Variants in CCNT1 observed in about 807,000 individuals in gnomAD.
CCNT1 encodes the protein cyclin-T1.
Under a neutral mutation model 67.3 loss-of-function variants are expected in CCNT1, and 18 were observed. The ratio of observed to expected loss-of-function variants is 0.27; its 90% CI spans 0.18 to 0.40. The LOEUF is 0.40. Among genes scored for constraint, CCNT1 ranks in the 10% least tolerant of loss-of-function variants. The probability of loss-of-function intolerance (pLI) is 1.00; values close to 1 mark genes in which losing one functional copy is unlikely to be tolerated. For synonymous variants in CCNT1, 333 were observed against 310.3 expected (o/e 1.07, Z -0.77); for missense variants, 744 against 884.9 (o/e 0.84, Z 2.02).
intron 3 of CCNT1, among the ~76,000 whole-genome samples, chr12:48,702,104 C>G (rs1055984343): frequency 6.6e-6 from 1 of 151,728 alleles, no homozygotes; most frequent in Admixed American, 6.6e-5. Flanking sequence ...ACCATATTGG[C>G]AAAGCTGGTC....
At chr12:48,713,965 G>T (rs1048867106) in intron 2 of CCNT1, among the ~76,000 whole-genome samples, 13 of 152,200 alleles carry the variant, frequency 8.5e-5, no homozygotes, top group South Asian at 2.1e-4. Flanking sequence ...CTCAATCTTG[G>T]CTCACTGCAT....
intron 2 of CCNT1, among the ~76,000 whole-genome samples, chr12:48,710,836 G>A (rs1465510220): frequency 6.6e-6 from 1 of 152,214 alleles, no homozygotes; most frequent in African/African-American, 2.4e-5. Flanking sequence ...GCCAAGGCGG[G>A]TGGATCGTGA....
rs1940034568 is a variant in CCNT1, at chr12:48,689,247, T to C, written c.*3786A>G. On this transcript the variant is annotated 3_prime_UTR_variant, in exon 9 of 9. Transcript: ENST00000261900. ...CCTCCCTTTTCCAATGCCAAGTTCA[T>C]ATGAAAAACTTTAGAAACATTAAAA... 1 of 152,208 alleles carries C rather than the reference T, an allele frequency of 6.6e-6. No individual in the cohort carries two copies. Among genetic ancestry groups the C allele is most frequent in the South Asian group, 2.1e-4 (1 of 4,828 alleles). The allele number at this position is 152,208 out of a possible 1,614,324, so 9.4% of individuals were successfully genotyped here.
chr12:48,714,535 CAAGTT>C lies in CCNT1; in HGVS notation c.162-16_162-12del. 1.9e-6 allele frequency: 3 copies of C among 1,577,344 alleles called. No individual in the cohort carries two copies. Among genetic ancestry groups the C allele is most frequent in the Non-Finnish European group, 2.6e-6 (3 of 1,146,922 alleles). On this transcript the variant is annotated splice_polypyrimidine_tract_variant and intron_variant, in intron 1 of 8. Transcript: ENST00000261900. ...ATAGTCAATTGTGAGCTGAAGTGTT[CAAGTT>C]AAGATCCAAAAACAGGCAGGTATAA...
intron 4 of CCNT1, 118 bp from the exon 5 acceptor site, chr12:48,699,958 T>G: frequency 1.7e-6 from 1 of 574,602 alleles, no homozygotes; most frequent in South Asian, 2.6e-5. Context: ...AAAATATTAA[T>G]AGAAATTTAT....
At chr12:48,715,028 G>A (rs1199530594) in intron 1 of CCNT1, among the ~76,000 whole-genome samples, 2 of 152,150 alleles carry the variant, frequency 1.3e-5, no homozygotes, top group Admixed American at 6.6e-5. Flanking sequence ...GGCCAGGCTG[G>A]TCTTGAACTC....
intron 2 of CCNT1, among the ~76,000 whole-genome samples, chr12:48,712,510 C>T (rs905680747): frequency 2.8e-5 from 4 of 143,220 alleles, no homozygotes; most frequent in Middle Eastern, 3.4e-3. Context: ...GTGATCCGCC[C>T]GCCTCAGCCT....
At chr12:48,696,184 CAG>C in intron 6 of CCNT1, 22 bp from the exon 7 acceptor site, 4 of 1,291,198 alleles carry the variant, frequency 3.1e-6, no homozygotes, top group Non-Finnish European at 4.1e-6. Context: ...GGGAAGAAAA[CAG>C]AGAGTGTCAT....
At chr12:48,713,877 A>G (rs1403506345) in intron 2 of CCNT1, among the ~76,000 whole-genome samples, 1 of 152,080 alleles carries the variant, frequency 6.6e-6, no homozygotes, top group Non-Finnish European at 1.5e-5. Flanking sequence ...TGTTGACTTT[A>G]GATGTCTGAT....
intron 3 of CCNT1, 152 bp from the exon 4 acceptor site, chr12:48,701,225 T>G (rs1940261857): frequency 2.8e-6 from 1 of 353,726 alleles, no homozygotes; most frequent in African/African-American, 2.5e-5. Flanking sequence ...ATCTTTTTTT[T>G]TTTTTTTTTT....
rs759919820 is a variant in CCNT1 at position 48,712,595 on chromosome 12, T to TAAAAAAAAAAAAAAAAA, written c.243+1831_243+1847dup. Among the ~76,000 whole-genome samples the TAAAAAAAAAAAAAAAAA allele has an allele frequency of 2.7e-4, 9 of 33,358 alleles. 1 individual carries two copies. The highest frequency in any genetic ancestry group is 5.0e-4 in the Admixed American group (1 of 2,012). 21.9% of individuals were successfully genotyped at this position (33,358 alleles called of 152,430 possible). ...TCTTTTCCTTAAAAAAAAAAAAAAA[T>TAAAAAAAAAAAAAAAAA]AAAAAAAAAAAAAAAAAAAAAAAGC... On this transcript the variant is annotated intron_variant, in intron 2 of 8. Transcript: ENST00000261900.
intron 3 of CCNT1, among the ~76,000 whole-genome samples, chr12:48,703,752 T>C (rs1301211484): frequency 3.3e-5 from 5 of 151,846 alleles, no homozygotes; most frequent in Admixed American, 2.0e-4. Flanking sequence ...CTGGGCAACA[T>C]GGTGAAACCC....
At chr12:48,713,515 G>A (rs11168698) in intron 2 of CCNT1, among the ~76,000 whole-genome samples, 44,654 of 152,070 alleles carry the variant, frequency 0.29, 7,654 homozygotes, top group East Asian at 0.76. Flanking sequence ...CAGGAATGGC[G>A]GCTCATGACT....
chr12:48,695,731 T>C (rs1401775120), intron 8 of CCNT1, 28 bp downstream of exon 8: 2 of 1,515,272 alleles, frequency 1.3e-6, no homozygotes, highest in East Asian at 4.5e-5. Flanking sequence ...TTGATTTTGT[T>C]CCACAAGCTG....
intron 3 of CCNT1, among the ~76,000 whole-genome samples, chr12:48,703,627 T>G (rs1444924117): frequency 6.6e-6 from 1 of 150,650 alleles, no homozygotes; most frequent in Non-Finnish European, 1.5e-5. Context: ...TAAGGATCCA[T>G]AATAAAAATG....
chr12:48,714,204 G>T (rs1038543739), intron 2 of CCNT1, among the ~76,000 whole-genome samples: 2 of 152,036 alleles, frequency 1.3e-5, no homozygotes, highest in Non-Finnish European at 2.9e-5. Context: ...CACTGCACCC[G>T]GCCTAATCTA....
Position 48,705,811 on chromosome 12 carries a change from G to A in CCNT1, c.329C>T (p.Thr110Ile). ...KLEHVIKVAH[T>I]CLHPQESLPD... is the part of the protein sequence containing the mutation. ...AAGGGATTCCTGAGGATGGAGACAA[G>A]TATGTGCTACCTTGATGACATGTTC... is the stretch of plus-strand genomic sequence containing the variant. The change falls in exon 3 of 9, where the codon ACT becomes ATT. Residue 110 changes from threonine (T) to isoleucine (I), a missense_variant. This residue lies in a region of CCNT1 where 142 missense variants were observed against 277.0 expected (regional missense o/e 0.51). Coordinates refer to ENST00000261900, the MANE Select transcript of CCNT1 (RefSeq NM_001240.4). 3 of 1,613,228 alleles carry A rather than the reference G, an allele frequency of 1.9e-6. No homozygotes were observed. Among genetic ancestry groups the A allele is most frequent in the Non-Finnish European group, 2.5e-6 (3 of 1,179,340 alleles).
intron 3 of CCNT1, among the ~76,000 whole-genome samples, chr12:48,702,949 C>T (rs990401603): frequency 1.3e-5 from 2 of 151,876 alleles, no homozygotes; most frequent in African/African-American, 4.8e-5. Context: ...GGTAAGACCC[C>T]TATCTCTACA....
intron 8 of CCNT1, among the ~76,000 whole-genome samples, chr12:48,695,466 C>T (rs1436627220): frequency 6.6e-6 from 1 of 152,194 alleles, no homozygotes; most frequent in Non-Finnish European, 1.5e-5. Flanking sequence ...AATACTCTAA[C>T]TCCGAGAAGC....
Sources: gnomAD v4.1 joint callset for allele counts (sites outside exome capture counted in the v4.1 genomes callset) on GRCh38, gnomAD v4.1.1 for gene constraint, gnomAD v4.1.1 regional missense constraint, MANE v1.5 for transcripts, NCBI Gene and HGNC (gene_info 2026-07-23, HGNC 2026-07-21) for gene names.